The following ZNF606 variants were observed in gnomAD, a reference collection of about 807,000 sequenced individuals.
ZNF606 encodes zinc finger protein 606, also known as zinc finger protein 328.
Under a neutral mutation model 74.9 loss-of-function variants are expected in ZNF606, and 37 were observed. The ratio of observed to expected loss-of-function variants is 0.49; its 90% CI spans 0.38 to 0.65. ZNF606 has a LOEUF of 0.65. Ranked by LOEUF, ZNF606 falls within the 30% of genes least tolerant of loss-of-function variation. The probability of loss-of-function intolerance (pLI) is 0.00; values close to 1 mark genes in which losing one functional copy is unlikely to be tolerated. For synonymous variants in ZNF606, 328 were observed against 312.4 expected (o/e 1.05, Z -0.53); for missense variants, 852 against 952.9 (o/e 0.89, Z 1.39).
chr19:57,985,562 A>C (rs2073151328), intron 6 of ZNF606, among the ~76,000 whole-genome samples: 1 of 152,136 alleles, frequency 6.6e-6, no homozygotes, highest in Non-Finnish European at 1.5e-5. Flanking sequence ...GATAGAATGA[A>C]AGAGCTGAGG....
chr19:57,978,257 C>CA lies in ZNF606; in HGVS notation c.*43dup. 2 of 1,510,926 alleles carry CA rather than the reference C, an allele frequency of 1.3e-6. 1 individual carries two copies. Among genetic ancestry groups the CA allele is most frequent in the Middle Eastern group, 3.7e-4 (2 of 5,380 alleles). The allele number at this position is 1,510,926 out of a possible 1,614,324, so 93.6% of individuals were successfully genotyped here. On this transcript the variant is annotated 3_prime_UTR_variant, in exon 7 of 7. Coordinates refer to ENST00000551380, the MANE Select transcript of ZNF606 (RefSeq NM_001348022.3). The surrounding 1 kb of genome is among the most constrained non-coding windows in gnomAD (Gnocchi z 4.4). ...TTGATTATGTTTATAGGGTTTTCCT[C>CA]AATGTGTTGTCAAATGTACAAGAAA...
rs756284115 is a variant in ZNF606, at chr19:57,999,901, G to A, written c.89-5C>T. ...CAGGATACTGAGGACACAGAGCTAG[G>A]AAACGAGAAAAAAGTCATGGAGGCA... On this transcript the variant is annotated splice_region_variant and splice_polypyrimidine_tract_variant and intron_variant, in intron 3 of 6. Transcript: ENST00000551380. The A allele has an allele frequency of 3.7e-6, 6 of 1,612,704 alleles. No individual in the cohort carries two copies. The highest frequency in any genetic ancestry group is 1.1e-5 in the South Asian group (1 of 91,060).
In ZNF606 at chr19:57,979,041, T is replaced by C; in HGVS notation, c.1639A>G (p.Lys547Glu). ...EKPFKCDECE[K>E]AFRDYSALSK... ...AGGGCTGAGTAGTCCCTAAAAGCTT[T>C]TTCACATTCATCACATTTAAAGGGT... Residue 547 changes from lysine to glutamate, a missense_variant, in exon 7 of 7, where the codon AAA becomes GAA. Coordinates refer to ENST00000551380, the MANE Select transcript of ZNF606 (RefSeq NM_001348022.3). 1 of 1,614,098 alleles carries C rather than the reference T, an allele frequency of 6.2e-7. No individual in the cohort carries two copies. The highest frequency in any genetic ancestry group is 1.1e-5 in the South Asian group (1 of 91,078).
chr19:58,003,058 C>T, upstream of ZNF606: 1 of 410,988 alleles, frequency 2.4e-6, no homozygotes. Context: ...TAAGTCGCGG[C>T]CCCGCGGGCC....
intron 6 of ZNF606, among the ~76,000 whole-genome samples, chr19:57,984,579 C>T (rs979836478): frequency 1.3e-5 from 2 of 152,206 alleles, no homozygotes; most frequent in African/African-American, 4.8e-5. Context: ...GTATAATCTC[C>T]TATTGTTGAA....
intron 4 of ZNF606, among the ~76,000 whole-genome samples, chr19:57,994,893 TA>T (rs1332286480): frequency 1.3e-5 from 2 of 152,082 alleles, no homozygotes; most frequent in African/African-American, 4.8e-5. Flanking sequence ...ACACTGAAAG[TA>T]TATACCTAGC....
At position 57,978,582 on chromosome 19, in the gene ZNF606, T is replaced by G. The variant is rs1247885122; in HGVS notation, c.2098A>C (p.Arg700=). Residue 700 remains arginine, a synonymous_variant, in exon 7 of 7, where the codon AGA becomes CGA. Transcript: ENST00000551380. This position sits in a 1 kb window ranked among gnomAD's most constrained non-coding sequence, Gnocchi z 4.4. ...TATGGTTTCTCTCCAGTATGAGTTC[T>G]CCGGTGTGCAATGAGGTGAGAACTA... The part of the protein sequence containing the change: ...NCSSHLIAHR[R]THTGEKPYRC... The G allele has an allele frequency of 1.2e-6, 2 of 1,614,048 alleles. No homozygotes were observed. Among genetic ancestry groups the G allele is most frequent in the Admixed American group, 1.7e-5 (1 of 60,010 alleles).
At chr19:57,980,628 GA>G (rs1868678951) in intron 6 of ZNF606, among the ~76,000 whole-genome samples, 1 of 152,098 alleles carries the variant, frequency 6.6e-6, no homozygotes, top group South Asian at 2.1e-4. Context: ...GAGGTCAGGA[GA>G]TCAAGACCAT....
Position 58,001,099 on chromosome 19 carries a change from A to G in ZNF606, c.31+190T>C, listed in dbSNP as rs1460131207. ...TAATGACACCTCTCAGGAGATGACT[A>G]TAAAACATAAAAGTTAGTGTCTTTT... is the stretch of plus-strand genomic sequence containing the variant. On this transcript the variant is annotated intron_variant, in intron 2 of 6. Coordinates refer to ENST00000551380, the MANE Select transcript of ZNF606 (RefSeq NM_001348022.3). 9.0e-6 allele frequency: 6 copies of G among 666,562 alleles called. No individual in the cohort carries two copies. In the East Asian group the frequency reaches 1.4e-4, roughly 15 times the overall value. The allele number at this position is 666,562 out of a possible 1,614,324, so 41.3% of individuals were successfully genotyped here.
At chr19:57,980,834 CAAAAAAA>C (rs55983296) in intron 6 of ZNF606, among the ~76,000 whole-genome samples, 1 of 103,838 alleles carries the variant, frequency 9.6e-6, no homozygotes, top group Non-Finnish European at 2.0e-5. Context: ...TACACCGTCT[CAAAAAAA>C]AAAAAAAAAA....
chr19:57,994,156 A>T (rs1312855227), intron 4 of ZNF606, among the ~76,000 whole-genome samples: 1 of 152,200 alleles, frequency 6.6e-6, no homozygotes, highest in Non-Finnish European at 1.5e-5. Flanking sequence ...AGAGGCTGAG[A>T]GAATAGGAAA....
chr19:57,980,137 G>A lies in ZNF606; in HGVS notation c.543C>T (p.Asp181=), dbSNP rs750891935. 2 of 1,613,934 alleles carry A rather than the reference G, an allele frequency of 1.2e-6. No homozygotes were observed. Among genetic ancestry groups the A allele is most frequent in the Admixed American group, 1.7e-5 (1 of 60,000 alleles). Residue 181 remains aspartate (D), a synonymous_variant, in exon 7 of 7, where the codon GAC becomes GAT. Coordinates refer to ENST00000551380, the MANE Select transcript of ZNF606 (RefSeq NM_001348022.3). ...FSRLEVLGCK[D]QLEMYHMNQS... ...GGTTCATGTGGTACATTTCTAATTGGTCTTTACATCCCAAAACTTCTAACC... is the reference window on the plus strand; with the variant it reads ...GGTTCATGTGGTACATTTCTAATTGATCTTTACATCCCAAAACTTCTAACC...
intron 4 of ZNF606, among the ~76,000 whole-genome samples, chr19:57,994,602 TC>T (rs2073307253): frequency 6.6e-6 from 1 of 152,058 alleles, no homozygotes. Flanking sequence ...TATATTAAAG[TC>T]AGTCCCTAGA....
At chr19:57,985,802 C>T (rs373367371) in intron 6 of ZNF606, among the ~76,000 whole-genome samples, 1 of 151,624 alleles carries the variant, frequency 6.6e-6, no homozygotes, top group African/African-American at 2.4e-5. Context: ...GGCGTGGTGG[C>T]GGGCCCCTGT....
At chr19:57,994,208 G>T (rs2073302349) in intron 4 of ZNF606, among the ~76,000 whole-genome samples, 1 of 152,092 alleles carries the variant, frequency 6.6e-6, no homozygotes, top group Non-Finnish European at 1.5e-5. Flanking sequence ...ACAGCAACTA[G>T]TTCAGGAGGC....
chr19:58,000,650 G>A, intron 3 of ZNF606, 33 bp downstream of exon 3: 1 of 1,612,700 alleles, frequency 6.2e-7, no homozygotes, highest in Non-Finnish European at 8.5e-7. Flanking sequence ...GCCACAATAT[G>A]GCAGCCCACA....
At chr19:57,982,530 T>A (rs1425113483) in intron 6 of ZNF606, among the ~76,000 whole-genome samples, 1 of 152,170 alleles carries the variant, frequency 6.6e-6, no homozygotes, top group East Asian at 1.9e-4. Context: ...TGCTACAGGG[T>A]CTAAAGCCCC....
Position 57,979,968 on chromosome 19 carries a change from A to T in ZNF606, c.712T>A (p.Tyr238Asn). 1 of 1,613,956 alleles carries T rather than the reference A, an allele frequency of 6.2e-7. No homozygotes were observed. The highest frequency in any genetic ancestry group is 8.5e-7 in the Non-Finnish European group (1 of 1,180,030). The change falls in exon 7 of 7, where the codon TAT (tyrosine) becomes AAT (asparagine). Residue 238 changes from tyrosine to asparagine, a missense_variant. Around this residue, in one of 3 missense-constraint regions of ZNF606, gnomAD observed 545 missense variants for 542.5 expected, o/e 1.00. Coordinates refer to ENST00000551380, the MANE Select transcript of ZNF606 (RefSeq NM_001348022.3). ...CTTTGAGCATGTGTATCAGGCTTAT[A>T]GAAATGTTCTATCTGAGAAACTCTC... ...SQRVSQIEHFYKPDTHAQSWR... is the reference protein window; with the variant it reads ...SQRVSQIEHFNKPDTHAQSWR...
chr19:57,999,728 A>G (rs1482626263), intron 4 of ZNF606, 80 bp downstream of exon 4: 1 of 1,424,678 alleles, frequency 7.0e-7, no homozygotes, highest in South Asian at 1.1e-5. Flanking sequence ...CAACTGTTGT[A>G]AACTGGAGAG....
Sources: allele counts gnomAD v4.1 joint callset (sites outside exome capture counted in the v4.1 genomes callset), GRCh38; gene constraint gnomAD v4.1.1; regional missense constraint gnomAD v4.1.1; non-coding constraint Gnocchi (gnomAD v3.1); transcripts MANE v1.5; gene names NCBI Gene and HGNC (gene_info 2026-07-23, HGNC 2026-07-21).